Variants in ARHGAP6 observed in about 807,000 individuals in gnomAD.
ARHGAP6 encodes the protein Rho GTPase activating protein 6, also known as rho GTPase-activating protein 6.
A neutral mutation model predicts 55.7 loss-of-function variants in ARHGAP6; 16 were observed. The ratio of observed to expected loss-of-function variants is 0.29; its 90% CI spans 0.19 to 0.44. The LOEUF (loss-of-function observed/expected upper bound fraction) is 0.44, where lower values mean the gene tolerates loss of function less well. ARHGAP6 is among the 20% of genes least tolerant of loss of function. The pLI, the probability that ARHGAP6 is intolerant of heterozygous loss-of-function variation, is 1.00. For missense variants in ARHGAP6, 698 were observed against 808.9 expected (o/e 0.86, Z 1.66); for synonymous variants, 382 against 360.9 (o/e 1.06, Z -0.66).
intron 1 of ARHGAP6, among the ~76,000 whole-genome samples, chrX:11,483,112 T>C (rs965656813): frequency 4.5e-5 from 5 of 111,816 alleles, no homozygotes; most frequent in African/African-American, 1.6e-4. Context: ...TCAGCAGATA[T>C]GAGGGATAGA....
chrX:11,282,987 G>A (rs1393904715), intron 1 of ARHGAP6, among the ~76,000 whole-genome samples: 2 of 111,736 alleles, frequency 1.8e-5, no homozygotes, highest in Non-Finnish European at 3.8e-5. Flanking sequence ...GGTTTCAGAC[G>A]TTTCATGTAA....
intron 1 of ARHGAP6, chrX:11,351,534 T>C (rs954355306): frequency 3.4e-6 from 3 of 893,791 alleles, no homozygotes; most frequent in Non-Finnish European, 2.8e-6. Context: ...GTGATTAGAG[T>C]AGAAAGGGGA....
At chrX:11,538,656 A>C (rs985336003) in intron 1 of ARHGAP6, among the ~76,000 whole-genome samples, 5 of 112,086 alleles carry the variant, frequency 4.5e-5, no homozygotes, top group Middle Eastern at 4.6e-3. Context: ...AAAAATATTA[A>C]GGTACTTCAT....
At chrX:11,340,330 A>G (rs745394732) in intron 1 of ARHGAP6, among the ~76,000 whole-genome samples, 13 of 111,684 alleles carry the variant, frequency 1.2e-4, no homozygotes, top group Non-Finnish European at 2.3e-4. Context: ...GCCTGGAATG[A>G]TTACCCCATG....
intron 1 of ARHGAP6, among the ~76,000 whole-genome samples, chrX:11,370,661 A>G (rs2049133558): frequency 8.9e-6 from 1 of 112,135 alleles, no homozygotes; most frequent in African/African-American, 3.2e-5. Flanking sequence ...AGCTCACTAT[A>G]GACTATAATT....
At chrX:11,174,627 C>CTTTCTTTCTCTTTCT (rs1569241477) in intron 8 of ARHGAP6, among the ~76,000 whole-genome samples, 16 of 10,723 alleles carry the variant, frequency 1.5e-3, no homozygotes, top group Non-Finnish European at 1.5e-3. Flanking sequence ...TCTTTCTTTT[C>CTTTCTTTCTCTTTCT]TTTCTTTCTT....
chrX:11,616,527 C>T (rs2052166827), intron 1 of ARHGAP6, among the ~76,000 whole-genome samples: 1 of 110,695 alleles, frequency 9.0e-6, no homozygotes, highest in Non-Finnish European at 1.9e-5. Flanking sequence ...GGGTTTTCAC[C>T]ATGTTGGCCA....
chrX:11,412,736 G>C (rs2049701494), intron 1 of ARHGAP6, among the ~76,000 whole-genome samples: 1 of 111,927 alleles, frequency 8.9e-6, no homozygotes, highest in Non-Finnish European at 1.9e-5. Context: ...ATGGTAATTT[G>C]GAAGCTACCA....
At chrX:11,597,513 T>C (rs191500661) in intron 1 of ARHGAP6, among the ~76,000 whole-genome samples, 1 of 112,026 alleles carries the variant, frequency 8.9e-6, no homozygotes, top group Admixed American at 9.5e-5. Flanking sequence ...ATCTGCCCTT[T>C]TTTCCTTGTC....
At chrX:11,214,257 GCACACACACACACACA>G (rs35340720) in intron 2 of ARHGAP6, among the ~76,000 whole-genome samples, 1 of 100,974 alleles carries the variant, frequency 9.9e-6, no homozygotes, top group Non-Finnish European at 2.0e-5. Context: ...CTTTGCTTAA[GCACACACACACACACA>G]CACACACACA....
intron 1 of ARHGAP6, among the ~76,000 whole-genome samples, chrX:11,513,339 T>A (rs1232444730): frequency 3.6e-5 from 4 of 112,178 alleles, no homozygotes; most frequent in African/African-American, 1.3e-4. Context: ...TATTTCTATA[T>A]ATCCATACTT....
rs780557607 is a variant in ARHGAP6 at position 11,358,140 on chromosome X, T to C, written c.589-103433A>G. On this transcript the variant is annotated intron_variant, in intron 1 of 12. Coordinates refer to ENST00000337414, the MANE Select transcript of ARHGAP6 (RefSeq NM_013427.3). ...TTCATATATATCCAGTCATACAATA[T>C]GTAGCCTTTTGGGTCTGGATTCTTT... Among the ~76,000 whole-genome samples, 9 of 112,401 alleles carry C rather than the reference T, an allele frequency of 8.0e-5. 1 individual carries two copies. In the South Asian group the frequency reaches 2.9e-3, roughly 37 times the overall value.
intron 1 of ARHGAP6, among the ~76,000 whole-genome samples, chrX:11,555,021 C>T (rs2051307296): frequency 8.9e-6 from 1 of 112,205 alleles, no homozygotes; most frequent in African/African-American, 3.2e-5. Context: ...GACAACAAAA[C>T]ACATCTGATA....
intron 1 of ARHGAP6, among the ~76,000 whole-genome samples, chrX:11,467,380 C>T (rs979243322): frequency 9.4e-6 from 1 of 106,049 alleles, no homozygotes; most frequent in African/African-American, 3.4e-5. Flanking sequence ...AACAAACAAA[C>T]AAAAAAAAAC....
chrX:11,505,690 A>G (rs1419620114), intron 1 of ARHGAP6, among the ~76,000 whole-genome samples: 1 of 112,114 alleles, frequency 8.9e-6, no homozygotes, highest in Non-Finnish European at 1.9e-5. Context: ...AAAGTGTGGT[A>G]CATATACACC....
At position 11,585,682 on chromosome X, in the gene ARHGAP6, C is replaced by G. The variant is rs191412724; in HGVS notation, c.588+78559G>C. Among the ~76,000 whole-genome samples the G allele has an allele frequency of 4.5e-5, 5 of 112,163 alleles. No homozygotes were observed. The Admixed American group carries it at 4.7e-4, about 11-fold the overall frequency. ...TAGATGTTGGATATTAGACCTTTGTCAAATGCATAGTTTGCAAATATTTTC... is the reference window on the plus strand; with the variant it reads ...TAGATGTTGGATATTAGACCTTTGTGAAATGCATAGTTTGCAAATATTTTC... On this transcript the variant is annotated intron_variant, in intron 1 of 12. Transcript: ENST00000337414.
chrX:11,359,202 A>T (rs1319157036), intron 1 of ARHGAP6, among the ~76,000 whole-genome samples: 13 of 112,206 alleles, frequency 1.2e-4, no homozygotes, highest in African/African-American at 3.9e-4. Context: ...GAATCTGTAC[A>T]GAAACATTTT....
At chrX:11,570,368 A>T (rs538741218) in intron 1 of ARHGAP6, among the ~76,000 whole-genome samples, 150 of 111,924 alleles carry the variant, frequency 1.3e-3, no homozygotes, top group Middle Eastern at 4.6e-3. Flanking sequence ...TGTTATTGAT[A>T]TGAAAGTATA....
chrX:11,185,051 G>T (rs1167746453), intron 5 of ARHGAP6, among the ~76,000 whole-genome samples: 1 of 111,294 alleles, frequency 9.0e-6, no homozygotes, highest in African/African-American at 3.3e-5. Context: ...ATATAGTAAA[G>T]GTACAGTAAA....
Sources: gnomAD v4.1 joint callset for allele counts (sites outside exome capture counted in the v4.1 genomes callset) on GRCh38, gnomAD v4.1.1 for gene constraint, MANE v1.5 for transcripts, NCBI Gene and HGNC (gene_info 2026-07-23, HGNC 2026-07-21) for gene names.